Variants in ZNF91 observed in about 807,000 individuals in gnomAD.
The protein encoded by ZNF91 is zinc finger protein 91.
In ZNF91, 7 loss-of-function variants were observed where a neutral mutation model predicts 12.6. The ratio of observed to expected loss-of-function variants is 0.55; its 90% CI spans 0.31 to 1.04. ZNF91 has a LOEUF of 1.04. Ranked by LOEUF, ZNF91 falls within the 50% of genes least tolerant of loss-of-function variation. ZNF91 has a pLI of 0.05. For missense variants in ZNF91, 1,217 were observed against 1,385.4 expected (o/e 0.88, Z 1.93); for synonymous variants, 453 against 462.6 (o/e 0.98, Z 0.27).
chr19:23,346,003 G>A (rs1568375459), intron 3 of ZNF91, among the ~76,000 whole-genome samples: 6 of 151,912 alleles, frequency 3.9e-5, no homozygotes, highest in Admixed American at 3.9e-4. Flanking sequence ...ATCCACACTT[G>A]CTCAGGCGCC....
chr19:23,391,984 C>A (rs12611297), intron 1 of ZNF91, among the ~76,000 whole-genome samples: 1 of 151,996 alleles, frequency 6.6e-6, no homozygotes, highest in Non-Finnish European at 1.5e-5. Flanking sequence ...AGTGTTCATA[C>A]AAGGGAAGAA....
Position 23,361,008 on chromosome 19 carries a change from G to T in ZNF91, c.1971C>A (p.Pro657=). ...CTTTGCCACATTCTTTACATTTGTAGGGTTTCTCTCCAGTATGAATTCTCT... is the reference window on the plus strand; with the variant it reads ...CTTTGCCACATTCTTTACATTTGTATGGTTTCTCTCCAGTATGAATTCTCT... ...KHKRIHTGEK[P]YKCKECGKAF... The change falls in exon 4 of 4, where the codon CCC becomes CCA. Residue 657 remains proline (P), a synonymous_variant. Transcript: ENST00000300619. 2 of 1,602,856 alleles carry T rather than the reference G, an allele frequency of 1.2e-6. No individual in the cohort carries two copies. The highest frequency in any genetic ancestry group is 1.7e-6 in the Non-Finnish European group (2 of 1,171,204).
intron 3 of ZNF91, among the ~76,000 whole-genome samples, chr19:23,364,624 CAG>C (rs1968930644): frequency 6.7e-6 from 1 of 150,222 alleles, no homozygotes. Context: ...ACTAAAAGTA[CAG>C]AGTTATGATA....
rs2145100066 is a variant in ZNF91 at position 23,374,872 on chromosome 19, AGAGTGGCT to A, written c.31-116_31-109del. On this transcript the variant is annotated intron_variant, in intron 1 of 3. Coordinates refer to ENST00000300619, the MANE Select transcript of ZNF91 (RefSeq NM_003430.4). ...TGACTAGAACTGGTTCTGACTTATA[AGAGTGGCT>A]GAAATTATCCAATAAAATAATTGTC... 4 of 1,511,252 alleles carry A rather than the reference AGAGTGGCT, an allele frequency of 2.6e-6. No homozygotes were observed. In the South Asian group the frequency reaches 4.8e-5, roughly 18 times the overall value. 93.6% of individuals were successfully genotyped at this position (1,511,252 alleles called of 1,614,324 possible).
chr19:23,394,479 C>G (rs577044989), intron 1 of ZNF91, among the ~76,000 whole-genome samples: 2 of 152,126 alleles, frequency 1.3e-5, no homozygotes, highest in South Asian at 4.2e-4. Context: ...GCCTGTAATT[C>G]CAGCACTTTC....
chr19:23,334,473 G>T (rs1450383827), downstream of ZNF91, among the ~76,000 whole-genome samples: 1 of 152,118 alleles, frequency 6.6e-6, no homozygotes, highest in Non-Finnish European at 1.5e-5. Flanking sequence ...TACCCTTTTT[G>T]ATAGAATACA....
intron 3 of ZNF91, among the ~76,000 whole-genome samples, chr19:23,363,443 C>T (rs1394487856): frequency 6.6e-6 from 1 of 152,154 alleles, no homozygotes; most frequent in Non-Finnish European, 1.5e-5. Flanking sequence ...ATTACTGACT[C>T]CTACAAAGTA....
At position 23,390,413 on chromosome 19, in the gene ZNF91, C is replaced by CA. The variant is rs1970023590; in HGVS notation, c.30+4911dup. Among the ~76,000 whole-genome samples the CA allele has an allele frequency of 3.3e-5, 5 of 152,162 alleles. No homozygotes were observed. The South Asian group carries it at 1.0e-3, about 32-fold the overall frequency. On this transcript the variant is annotated intron_variant, in intron 1 of 3. Coordinates refer to ENST00000300619, the MANE Select transcript of ZNF91 (RefSeq NM_003430.4). The stretch of plus-strand genomic sequence containing the variant: ...AAAGATGAAGCACATAGATGATAAA[C>CA]AGCTGTGATTAATAAAATTCTCTAT...
downstream of ZNF91, among the ~76,000 whole-genome samples, chr19:23,354,166 T>C (rs1288739196): frequency 6.6e-6 from 1 of 152,124 alleles, no homozygotes; most frequent in East Asian, 1.9e-4. Flanking sequence ...CCAATATCCT[T>C]GATAAACATT....
At chr19:23,385,478 A>G (rs1426911812) in intron 1 of ZNF91, among the ~76,000 whole-genome samples, 4 of 152,192 alleles carry the variant, frequency 2.6e-5, no homozygotes, top group Admixed American at 2.6e-4. Flanking sequence ...ATTTAGAAAA[A>G]AAAAATCCTG....
At chr19:23,314,139 C>A (rs1436215157), upstream of ZNF91, among the ~76,000 whole-genome samples, 1 of 152,134 alleles carries the variant, frequency 6.6e-6, no homozygotes, top group Non-Finnish European at 1.5e-5. Context: ...CTTGGCATTG[C>A]CCACATTGCA....
chr19:23,349,098 T>C (rs984849253), intron 3 of ZNF91, among the ~76,000 whole-genome samples: 5 of 152,188 alleles, frequency 3.3e-5, no homozygotes, highest in Admixed American at 6.5e-5. Flanking sequence ...AATGTGTGCC[T>C]AGCGGGACAT....
At chr19:23,365,031 A>G (rs183957149) in intron 3 of ZNF91, among the ~76,000 whole-genome samples, 97 of 152,268 alleles carry the variant, frequency 6.4e-4, no homozygotes, top group African/African-American at 2.3e-3. Context: ...CCAAATTAAA[A>G]CATGGAATGT....
chr19:23,351,084 G>C (rs1968353360), intron 3 of ZNF91, among the ~76,000 whole-genome samples: 1 of 152,172 alleles, frequency 6.6e-6, no homozygotes, highest in Non-Finnish European at 1.5e-5. Flanking sequence ...CCAGCCCTTT[G>C]GGAGGCCGAG....
At chr19:23,379,256 T>C (rs1239929108) in intron 1 of ZNF91, among the ~76,000 whole-genome samples, 2 of 152,112 alleles carry the variant, frequency 1.3e-5, no homozygotes, top group Non-Finnish European at 2.9e-5. Flanking sequence ...CAGCACACAT[T>C]TTACAGCGTA....
intron 1 of ZNF91, chr19:23,326,938 A>G (rs1218064966): frequency 6.6e-6 from 1 of 152,234 alleles, no homozygotes; most frequent in Non-Finnish European, 1.5e-5. Flanking sequence ...TAATAATTCT[A>G]AACATTTTTA....
intron 1 of ZNF91, among the ~76,000 whole-genome samples, chr19:23,390,521 CTAA>C (rs1392293952): frequency 6.6e-6 from 1 of 152,100 alleles, no homozygotes; most frequent in Non-Finnish European, 1.5e-5. Context: ...CCACGCCCGA[CTAA>C]TTTTTGTATT....
intron 3 of ZNF91, among the ~76,000 whole-genome samples, chr19:23,349,976 A>T (rs1968323959): frequency 6.6e-6 from 1 of 152,084 alleles, no homozygotes; most frequent in Non-Finnish European, 1.5e-5. Flanking sequence ...GGGTTATTGC[A>T]CTCCCATATA....
downstream of ZNF91, among the ~76,000 whole-genome samples, chr19:23,337,461 G>T (rs1308056419): frequency 2.2e-5 from 3 of 136,094 alleles, no homozygotes; most frequent in African/African-American, 2.9e-5. Context: ...AAACATTATG[G>T]TAATAACTTC....
Sources: gnomAD v4.1 joint callset for allele counts (sites outside exome capture counted in the v4.1 genomes callset) on GRCh38, gnomAD v4.1.1 for gene constraint, MANE v1.5 for transcripts, NCBI Gene and HGNC (gene_info 2026-07-23, HGNC 2026-07-21) for gene names.